The following EXOC4 variants were observed in gnomAD, a reference collection of about 807,000 sequenced individuals.
EXOC4 encodes SEC8-like 1.
Under a neutral mutation model 107.2 loss-of-function variants are expected in EXOC4, and 71 were observed. That is an observed-to-expected ratio of 0.66 (90% CI 0.55 to 0.81). EXOC4 has a LOEUF of 0.81. EXOC4 is among the 30% of genes least tolerant of loss of function. The pLI, the probability that EXOC4 is intolerant of heterozygous loss-of-function variation, is 0.00. For missense variants in EXOC4, 1,108 were observed against 1,189.6 expected (o/e 0.93, Z 1.01); for synonymous variants, 456 against 441.2 (o/e 1.03, Z -0.42).
At chr7:133,935,162 T>C (rs1381118583) in intron 13 of EXOC4, among the ~76,000 whole-genome samples, 1 of 152,070 alleles carries the variant, frequency 6.6e-6, no homozygotes, top group East Asian at 1.9e-4. Flanking sequence ...TGCTCAGCAC[T>C]GGCTTCCATA....
intron 17 of EXOC4, among the ~76,000 whole-genome samples, chr7:134,011,284 G>A (rs1361595276): frequency 2.0e-5 from 3 of 152,134 alleles, no homozygotes; most frequent in Admixed American, 6.5e-5. Context: ...ACGATGATTG[G>A]AGTCCCCAAG....
chr7:133,895,517 A>T, intron 11 of EXOC4, 82 bp from the exon 12 acceptor site: 2 of 1,387,676 alleles, frequency 1.4e-6, no homozygotes, highest in Non-Finnish European at 2.0e-6. Flanking sequence ...ACCTTAAATT[A>T]TGACATACTT....
chr7:134,050,823 T>TC (rs1187324087), intron 17 of EXOC4, among the ~76,000 whole-genome samples: 1 of 147,448 alleles, frequency 6.8e-6, no homozygotes, highest in Non-Finnish European at 1.5e-5. Context: ...ACACACAAGG[T>TC]TTTTTTTTTA....
At chr7:133,645,082 C>G (rs2151028564) in intron 10 of EXOC4, among the ~76,000 whole-genome samples, 1 of 116,224 alleles carries the variant, frequency 8.6e-6, no homozygotes, top group Middle Eastern at 5.3e-3. Flanking sequence ...GAGCCTTCTG[C>G]CACCTTTTTT....
At chr7:133,641,007 G>A (rs975755448) in intron 10 of EXOC4, among the ~76,000 whole-genome samples, 1 of 152,050 alleles carries the variant, frequency 6.6e-6, no homozygotes, top group African/African-American at 2.4e-5. Context: ...CATACCTGGC[G>A]TAAGTCAATG....
chr7:133,811,185 G>A (rs2151207359), intron 10 of EXOC4, among the ~76,000 whole-genome samples: 1 of 152,186 alleles, frequency 6.6e-6, no homozygotes, highest in African/African-American at 2.4e-5. Flanking sequence ...CAGGGGATAG[G>A]AAACCCCTGG....
chr7:133,403,449 C>G (rs1164581126), intron 7 of EXOC4, among the ~76,000 whole-genome samples: 2 of 152,184 alleles, frequency 1.3e-5, no homozygotes, highest in African/African-American at 2.4e-5. Flanking sequence ...AAGTTCAGAA[C>G]TTCCTTGTTG....
intron 10 of EXOC4, among the ~76,000 whole-genome samples, chr7:133,791,927 C>T (rs1005342): frequency 0.87 from 131,747 of 152,232 alleles, 57,203 homozygotes; most frequent in East Asian, 0.99. Context: ...TTTATTCTTA[C>T]GTCTAAAGGG....
At chr7:133,865,989 A>G (rs1798631791) in intron 11 of EXOC4, among the ~76,000 whole-genome samples, 2 of 152,166 alleles carry the variant, frequency 1.3e-5, no homozygotes, top group East Asian at 1.9e-4. Context: ...TCATTTATCA[A>G]TATTTTCTCA....
intron 10 of EXOC4, among the ~76,000 whole-genome samples, chr7:133,717,073 A>ATT (rs1399775441): frequency 2.6e-5 from 4 of 152,208 alleles, no homozygotes; most frequent in Admixed American, 6.5e-5. Context: ...TCATAGTTAC[A>ATT]TTTTTTAAAA....
At chr7:133,985,374 CTG>C (rs1373341309) in intron 14 of EXOC4, among the ~76,000 whole-genome samples, 1 of 152,208 alleles carries the variant, frequency 6.6e-6, no homozygotes, top group Non-Finnish European at 1.5e-5. Flanking sequence ...TAAAATCACT[CTG>C]TGTACATTAC....
chr7:133,538,690 G>A (rs948714768), intron 9 of EXOC4, among the ~76,000 whole-genome samples: 1 of 151,974 alleles, frequency 6.6e-6, no homozygotes, highest in Admixed American at 6.6e-5. Context: ...ACTCAATCAG[G>A]TGAGGTAGCA....
intron 10 of EXOC4, among the ~76,000 whole-genome samples, chr7:133,721,115 A>G (rs1795096758): frequency 6.6e-6 from 1 of 152,140 alleles, no homozygotes; most frequent in African/African-American, 2.4e-5. Flanking sequence ...AATATGTACT[A>G]TACACTGGCC....
intron 10 of EXOC4, among the ~76,000 whole-genome samples, chr7:133,673,901 C>T (rs1414364764): frequency 6.6e-6 from 1 of 152,202 alleles, no homozygotes; most frequent in African/African-American, 2.4e-5. Context: ...CATGCATCCT[C>T]ATTCCTATTG....
intron 10 of EXOC4, among the ~76,000 whole-genome samples, chr7:133,636,057 G>A (rs1187454171): frequency 3.3e-5 from 5 of 152,168 alleles, no homozygotes; most frequent in African/African-American, 7.2e-5. Flanking sequence ...ACCACTAAAA[G>A]TGAAGTGTTG....
chr7:134,017,196 A>G (rs1333671708), intron 17 of EXOC4, among the ~76,000 whole-genome samples: 2 of 152,124 alleles, frequency 1.3e-5, no homozygotes, highest in African/African-American at 2.4e-5. Flanking sequence ...TTAATACCCC[A>G]GATTTTTGAC....
chr7:133,971,365 G>C (rs201266686), intron 14 of EXOC4, among the ~76,000 whole-genome samples: 1 of 60,852 alleles, frequency 1.6e-5, no homozygotes, highest in Non-Finnish European at 2.9e-5. Context: ...TATATATAGA[G>C]AGAGAGAGAG....
chr7:133,706,881 C>G lies in EXOC4; in HGVS notation c.1514+76740C>G, dbSNP rs150487925. ...TGAGATCCCACCCTTATGACCCCAT[C>G]TGAATCTAAGCACCTCCCAAAGGCC... On this transcript the variant is annotated intron_variant, in intron 10 of 17. Coordinates refer to ENST00000253861, the MANE Select transcript of EXOC4 (RefSeq NM_021807.4). Among the ~76,000 whole-genome samples the G allele has an allele frequency of 2.6e-3, 397 of 152,244 alleles. 1 individual carries two copies. The highest frequency in any genetic ancestry group is 9.2e-3 in the African/African-American group (384 of 41,540).
chr7:133,386,557 T>C (rs1305480738), intron 7 of EXOC4, among the ~76,000 whole-genome samples: 1 of 152,216 alleles, frequency 6.6e-6, no homozygotes, highest in Non-Finnish European at 1.5e-5. Flanking sequence ...CTTTAGTTTG[T>C]GCTGCTTATA....
Sources: gnomAD v4.1 joint callset for allele counts (sites outside exome capture counted in the v4.1 genomes callset) on GRCh38, gnomAD v4.1.1 for gene constraint, MANE v1.5 for transcripts, NCBI Gene and HGNC (gene_info 2026-07-23, HGNC 2026-07-21) for gene names.